TGM4: variants seen among roughly 807,000 people sequenced by gnomAD.
The protein encoded by TGM4 is transglutaminase 4.
In TGM4, 61 loss-of-function variants were observed where a neutral mutation model predicts 76.3. That is an observed-to-expected ratio of 0.80 (90% confidence interval 0.65 to 0.99). The LOEUF (loss-of-function observed/expected upper bound fraction) is 0.99. TGM4 is among the 50% of genes least tolerant of loss of function. The pLI, the probability that TGM4 is intolerant of heterozygous loss-of-function variation, is 0.00. For missense variants in TGM4, 794 were observed against 843.2 expected, an observed-to-expected ratio of 0.94 and a Z score of 0.72; for synonymous variants, 337 against 329.8, an observed-to-expected ratio of 1.02 and a Z score of -0.24.
chr3:44,887,594 G>A (rs1699625496), intron 2 of TGM4, 95 bp from the exon 3 acceptor site: 2 of 1,074,572 alleles, frequency 1.9e-6, no homozygotes, highest in South Asian at 1.5e-5. Flanking sequence ...AGGGGTGGGG[G>A]CTCCATGAGT....
chr3:44,885,761 G>A (rs976876562), intron 2 of TGM4, among the ~76,000 whole-genome samples: 2 of 152,170 alleles, frequency 1.3e-5, no homozygotes, highest in South Asian at 4.1e-4. Flanking sequence ...GTGACTCAGC[G>A]GGCATCTGCC....
intron 5 of TGM4, among the ~76,000 whole-genome samples, chr3:44,895,637 TA>T (rs935573458): frequency 1.3e-5 from 2 of 151,838 alleles, no homozygotes; most frequent in African/African-American, 4.8e-5. Context: ...CTCAAAAAAA[TA>T]AAAAATAAAA....
chr3:44,912,486 C>T (rs1379505579), intron 13 of TGM4, among the ~76,000 whole-genome samples: 2 of 152,060 alleles, frequency 1.3e-5, no homozygotes, highest in Non-Finnish European at 2.9e-5. Context: ...AACATCATAC[C>T]ACTTAAATTA....
At chr3:44,913,509 C>T in intron 13 of TGM4, 75 bp from the exon 14 acceptor site, 6 of 1,544,920 alleles carry the variant, frequency 3.9e-6, no homozygotes, top group Non-Finnish European at 5.2e-6. Flanking sequence ...CCTGGCTTCT[C>T]ACCCAACTCA....
In TGM4 at chr3:44,893,601, A is replaced by G; in HGVS notation, c.455A>G (p.Glu152Gly). 6.2e-7 allele frequency: 1 copy of G among 1,613,838 alleles called. No homozygotes were observed. Among genetic ancestry groups the G allele is most frequent in the Non-Finnish European group, 8.5e-7 (1 of 1,179,852 alleles). The change falls in exon 5 of 14, where the codon GAG (glutamate) becomes GGG (glycine). Residue 152 changes from glutamate (E) to glycine (G), a missense_variant. Physicochemically the swap from Glu to Gly is moderately conservative, Grantham distance 98. Transcript: ENST00000296125. Reference sequence around the variant, plus strand: ...GAGGACATGGTTTTCATGCCTGATGAGGACGAGCGCAAAGAGTACATCCTC... The same window carrying G: ...GAGGACATGGTTTTCATGCCTGATGGGGACGAGCGCAAAGAGTACATCCTC... ...CKEDMVFMPD[E>G]DERKEYILND...
At chr3:44,892,243 G>A (rs1240035925) in intron 4 of TGM4, among the ~76,000 whole-genome samples, 1 of 151,488 alleles carries the variant, frequency 6.6e-6, no homozygotes, top group Non-Finnish European at 1.5e-5. Flanking sequence ...GGGTGACAGA[G>A]CGAGACTCTG....
chr3:44,902,860 A>G (rs557489648), intron 8 of TGM4, among the ~76,000 whole-genome samples: 19 of 152,190 alleles, frequency 1.2e-4, no homozygotes, highest in African/African-American at 4.3e-4. Context: ...AAAAGGGAGA[A>G]TGAGAAGTTG....
At chr3:44,911,699 CT>C (rs2125761385) in intron 13 of TGM4, among the ~76,000 whole-genome samples, 1 of 152,268 alleles carries the variant, frequency 6.6e-6, no homozygotes, top group Non-Finnish European at 1.5e-5. Flanking sequence ...TGTGAATTGC[CT>C]GTTCCTAACT....
chr3:44,898,815 CTG>C (rs1478739179), intron 6 of TGM4, among the ~76,000 whole-genome samples: 5 of 152,228 alleles, frequency 3.3e-5, no homozygotes, highest in Non-Finnish European at 5.9e-5. Context: ...CGCTGACTCT[CTG>C]GGGCCCAGGA....
At chr3:44,903,787 C>T in intron 8 of TGM4, 97 bp from the exon 9 acceptor site, 1 of 1,112,702 alleles carries the variant, frequency 9.0e-7, no homozygotes, top group South Asian at 1.3e-5. Flanking sequence ...CTCAGTGGGT[C>T]CCCGGTGATG....
rs61731538 is a variant in TGM4 at position 44,910,185 on chromosome 3, A to C, written c.1423A>C (p.Met475Leu). 1.2e-6 allele frequency: 2 copies of C among 1,614,050 alleles called. No homozygotes were observed. The highest frequency in any genetic ancestry group is 1.7e-6 in the Non-Finnish European group (2 of 1,180,036). Reference sequence around the variant, plus strand: ...ACCTGTAAAAGAGAACTTTCTTCACATGTCGGTACAATCAGATGATGTGCT... The same window carrying C: ...ACCTGTAAAAGAGAACTTTCTTCACCTGTCGGTACAATCAGATGATGTGCT... ...RRPVKENFLH[M>L]SVQSDDVLLG... The change falls in exon 11 of 14, where the codon ATG (methionine) becomes CTG (leucine). Residue 475 changes from methionine to leucine, a missense_variant. Physicochemically the swap from Met to Leu is conservative, Grantham distance 15. Transcript: ENST00000296125.
intron 3 of TGM4, among the ~76,000 whole-genome samples, chr3:44,889,793 T>G (rs528755686): frequency 1.1e-4 from 16 of 142,572 alleles, no homozygotes; most frequent in Admixed American, 9.6e-4. Context: ...GAGAAAGGTG[T>G]TTTTTTTTGC....
Position 44,902,750 on chromosome 3 carries a change from G to C in TGM4, c.971+819G>C, listed in dbSNP as rs77101036. 7.5e-3 allele frequency among the ~76,000 whole-genome samples: 1,147 copies of C among 152,298 alleles called. 9 individuals are homozygous for C. Among genetic ancestry groups the C allele is most frequent in the Non-Finnish European group, 1.0e-2 (677 of 68,024 alleles). ...TATATACCACTGTTTGAGAACTTTT[G>C]ATGTAACTAGTACCCACTGGCCAGC... On this transcript the variant is annotated intron_variant, in intron 8 of 13. Transcript: ENST00000296125.
intron 5 of TGM4, among the ~76,000 whole-genome samples, chr3:44,896,278 A>G (rs1315681752): frequency 1.3e-5 from 2 of 151,944 alleles, no homozygotes; most frequent in Non-Finnish European, 2.9e-5. Flanking sequence ...CGCCCGGCTA[A>G]TTTTGTATTT....
chr3:44,890,842 T>A, intron 4 of TGM4, 110 bp downstream of exon 4: 1 of 1,368,124 alleles, frequency 7.3e-7, no homozygotes, highest in Non-Finnish European at 1.0e-6. Context: ...ACTTGCAAAC[T>A]AGTTTAAGGG....
At chr3:44,912,078 G>A (rs1323579848) in intron 13 of TGM4, among the ~76,000 whole-genome samples, 4 of 152,234 alleles carry the variant, frequency 2.6e-5, no homozygotes, top group African/African-American at 9.6e-5. Flanking sequence ...TGATCTGCCC[G>A]CCTTGGCCTC....
intron 1 of TGM4, chr3:44,876,550 GT>G (rs1352292619): frequency 6.6e-6 from 1 of 152,208 alleles, no homozygotes; most frequent in Non-Finnish European, 1.5e-5. Context: ...CAACTGGTTA[GT>G]ATTTAGAGAA....
intron 3 of TGM4, 107 bp from the exon 4 acceptor site, chr3:44,890,496 C>G: frequency 6.7e-7 from 1 of 1,494,888 alleles, no homozygotes; most frequent in Non-Finnish European, 9.1e-7. Context: ...AGGCTGGTTC[C>G]AGATGGGATG....
chr3:44,874,678 G>A lies in TGM4; in HGVS notation c.-1G>A. 2 of 1,614,228 alleles carry A rather than the reference G, an allele frequency of 1.2e-6. No homozygotes were observed. The highest frequency in any genetic ancestry group is 1.7e-6 in the Non-Finnish European group (2 of 1,180,038). On this transcript the variant is annotated 5_prime_UTR_variant, in exon 1 of 14. Coordinates refer to ENST00000296125, the MANE Select transcript of TGM4 (RefSeq NM_003241.4). The stretch of plus-strand genomic sequence containing the variant: ...GGCATTGCAGGAGAGAATCTGAAGG[G>A]ATGATGGATGCATCAAAAGGTGAGT...
Sources: gnomAD v4.1 joint callset for allele counts (sites outside exome capture counted in the v4.1 genomes callset) on GRCh38, gnomAD v4.1.1 for gene constraint, MANE v1.5 for transcripts, NCBI Gene and HGNC (gene_info 2026-07-23, HGNC 2026-07-21) for gene names.